Variants in RAB8A observed in about 807,000 individuals in gnomAD.
The protein encoded by RAB8A is RAB8A, member RAS oncogene family.
In RAB8A, 5 loss-of-function variants were observed where a neutral mutation model predicts 29.2. The observed-to-expected ratio is 0.17, with a 90% CI of 0.09 to 0.36. The LOEUF is 0.36. Ranked by LOEUF, RAB8A falls within the 10% of genes least tolerant of loss-of-function variation. RAB8A has a pLI of 1.00. For missense variants in RAB8A, 171 were observed against 272.2 expected (o/e 0.63, Z 2.62); for synonymous variants, 108 against 99.9 (o/e 1.08, Z -0.49).
chr19:16,127,985 G>T lies in RAB8A; in HGVS notation c.415-41G>T. 2 of 1,604,846 alleles carry T rather than the reference G, an allele frequency of 1.2e-6. No individual in the cohort carries two copies. The highest frequency in any genetic ancestry group is 1.7e-6 in the Non-Finnish European group (2 of 1,171,584). On this transcript the variant is annotated intron_variant, in intron 5 of 7. Coordinates refer to ENST00000300935, the MANE Select transcript of RAB8A (RefSeq NM_005370.5). The surrounding 1 kb of genome is among the most constrained non-coding windows in gnomAD (Gnocchi z 4.8). ...GTTTTAGGCAAGCTCAGATGCGCCCGGCGGCTGGTGTGCTCATGCGTGTGC... is the reference window on the plus strand; with the variant it reads ...GTTTTAGGCAAGCTCAGATGCGCCCTGCGGCTGGTGTGCTCATGCGTGTGC...
rs564742748 is a variant in RAB8A at position 16,119,397 on chromosome 19, G to A, written c.185+1111G>A. Among the ~76,000 whole-genome samples the A allele has an allele frequency of 3.9e-5, 6 of 152,130 alleles. 2 individuals carry two copies. Among genetic ancestry groups the A allele is most frequent in the African/African-American group, 1.4e-4 (6 of 41,502 alleles). On this transcript the variant is annotated intron_variant, in intron 2 of 7. Transcript: ENST00000300935. ...ATTTTGTATTTTTAGTAGAGACGGGGTTTCTCCATGTTGGTCAGGCTGGTC... is the reference window on the plus strand; with the variant it reads ...ATTTTGTATTTTTAGTAGAGACGGGATTTCTCCATGTTGGTCAGGCTGGTC...
rs1332005409 is a variant in RAB8A at position 16,128,103 on chromosome 19, G to A, written c.480+12G>A. 1.2e-6 allele frequency: 2 copies of A among 1,613,244 alleles called. No homozygotes were observed. Among genetic ancestry groups the A allele is most frequent in the Non-Finnish European group, 1.7e-6 (2 of 1,179,230 alleles). On this transcript the variant is annotated intron_variant, in intron 6 of 7. Coordinates refer to ENST00000300935, the MANE Select transcript of RAB8A (RefSeq NM_005370.5). ...TCAATGTGGAAAATGTGAGTCCCGG[G>A]CCCTGCTGGGAGACATGGGGCCTGC... is the stretch of plus-strand genomic sequence containing the variant.
At chr19:16,121,292 TACCCAGGCATC>T (rs1294851388) in intron 2 of RAB8A, among the ~76,000 whole-genome samples, 2 of 152,176 alleles carry the variant, frequency 1.3e-5, no homozygotes, top group Non-Finnish European at 2.9e-5. Flanking sequence ...GGGTATGTCT[TACCCAGGCATC>T]ACCTCCCGGG....
At chr19:16,129,385 A>G (rs563984616) in intron 6 of RAB8A, among the ~76,000 whole-genome samples, 169 bp from the exon 7 acceptor site, 3 of 152,132 alleles carry the variant, frequency 2.0e-5, no homozygotes, top group South Asian at 2.1e-4. Context: ...CCGGGGAAGG[A>G]TGAGCTGGGG....
rs574489786 is a variant in RAB8A at position 16,112,146 on chromosome 19, G to C, written c.124+121G>C. The C allele has an allele frequency of 4.7e-5, 65 of 1,389,628 alleles. No individual in the cohort carries two copies. In the East Asian group the frequency reaches 1.4e-3, roughly 30 times the overall value. 86.1% of individuals were successfully genotyped at this position (1,389,628 alleles called of 1,614,324 possible). On this transcript the variant is annotated intron_variant, in intron 1 of 7. Transcript: ENST00000300935. Reference sequence around the variant, plus strand: ...CGAGGGCGCTGAGAGGGTCGAGGGGGCCTAAAGGGAGAAGAGCAGTCGCCT... The same window carrying C: ...CGAGGGCGCTGAGAGGGTCGAGGGGCCCTAAAGGGAGAAGAGCAGTCGCCT...
At chr19:16,118,361 C>T (rs879391129) in intron 2 of RAB8A, 75 bp downstream of exon 2, 125 of 1,370,060 alleles carry the variant, frequency 9.1e-5, no homozygotes, top group South Asian at 2.0e-4. Context: ...CCTTCTCCCT[C>T]CACCGTCCCT....
At chr19:16,128,166 C>T in intron 6 of RAB8A, 75 bp downstream of exon 6, 2 of 1,510,388 alleles carry the variant, frequency 1.3e-6, no homozygotes, top group Non-Finnish European at 9.1e-7. Context: ...GAGCTGGCGT[C>T]CTCCGAGGAG....
At position 16,125,292 on chromosome 19, in the gene RAB8A, AG is replaced by A; in HGVS notation, c.247-175del. 2 of 622,870 alleles carry A rather than the reference AG, an allele frequency of 3.2e-6. No homozygotes were observed. Among genetic ancestry groups the A allele is most frequent in the Non-Finnish European group, 5.7e-6 (2 of 348,872 alleles). 38.6% of individuals were successfully genotyped at this position (622,870 alleles called of 1,614,324 possible). A position where few individuals can be genotyped will look rare whatever the true frequency, so the allele number is the denominator to read the frequency against. ...AGAACCCAGCAGAAAGAAGGGCCAC[AG>A]GGATGGAGAGGAGGGGGCTGGCTTC... On this transcript the variant is annotated intron_variant, in intron 3 of 7. Transcript: ENST00000300935. The surrounding 1 kb of genome is among the most constrained non-coding windows in gnomAD (Gnocchi z 5.0).
chr19:16,131,760 G>C (rs1356709066), intron 7 of RAB8A, among the ~76,000 whole-genome samples: 3 of 151,766 alleles, frequency 2.0e-5, no homozygotes, highest in Non-Finnish European at 2.9e-5. Flanking sequence ...ATGGATGGTT[G>C]GTTGATTGGT....
chr19:16,125,076 GCA>G lies in RAB8A; in HGVS notation c.247-393_247-392del. 1 of 308,134 alleles carries G rather than the reference GCA, an allele frequency of 3.2e-6. No homozygotes were observed. Among genetic ancestry groups the G allele is most frequent in the Non-Finnish European group, 6.4e-6 (1 of 155,770 alleles). 19.1% of individuals were successfully genotyped at this position (308,134 alleles called of 1,614,324 possible). A position where few individuals can be genotyped will look rare whatever the true frequency, so the allele number is the denominator to read the frequency against. On this transcript the variant is annotated intron_variant, in intron 3 of 7. Transcript: ENST00000300935. This position sits in a 1 kb window ranked among gnomAD's most constrained non-coding sequence, Gnocchi z 5.0. Reference sequence around the variant, plus strand: ...GCAAGGGGTGAAGAGGAGGCCGATTGCAGGGGAGGGTCAGCGTGAGGGGAGTG... The same window carrying G: ...GCAAGGGGTGAAGAGGAGGCCGATTGGGGGAGGGTCAGCGTGAGGGGAGTG...
At chr19:16,131,852 A>ATGGTTGGT (rs72439769) in intron 7 of RAB8A, among the ~76,000 whole-genome samples, 4 of 142,404 alleles carry the variant, frequency 2.8e-5, no homozygotes, top group African/African-American at 1.1e-4. Context: ...GTATAGATGG[A>ATGGTTGGT]TGGTTGGTTG....
chr19:16,120,376 G>C (rs1057164631), intron 2 of RAB8A, among the ~76,000 whole-genome samples: 6 of 144,478 alleles, frequency 4.2e-5, no homozygotes, highest in Admixed American at 3.6e-4. Flanking sequence ...GCAGTGGCAT[G>C]ATCTCAGCTC....
intron 1 of RAB8A, 80 bp from the exon 2 acceptor site, chr19:16,118,146 C>A: frequency 7.9e-7 from 1 of 1,265,338 alleles, no homozygotes; most frequent in Non-Finnish European, 1.1e-6. Context: ...CTGTCACCTG[C>A]ACAGGTTGGT....
intron 1 of RAB8A, among the ~76,000 whole-genome samples, chr19:16,115,424 A>G (rs1288089068): frequency 6.6e-6 from 1 of 152,208 alleles, no homozygotes; most frequent in East Asian, 1.9e-4. Context: ...ATCAAAGCCT[A>G]TTCTCAGAAG....
intron 2 of RAB8A, among the ~76,000 whole-genome samples, chr19:16,119,518 C>A (rs556509524): frequency 6.6e-6 from 1 of 151,788 alleles, no homozygotes; most frequent in African/African-American, 2.4e-5. Flanking sequence ...CTGTTCACCT[C>A]TTAATCTGAC....
At chr19:16,115,912 G>C (rs1464720412) in intron 1 of RAB8A, among the ~76,000 whole-genome samples, 2 of 152,098 alleles carry the variant, frequency 1.3e-5, no homozygotes, top group African/African-American at 2.4e-5. Flanking sequence ...GCCAGGCCTG[G>C]GCCTCAAGTC....
At chr19:16,114,810 C>T (rs2090839646) in intron 1 of RAB8A, among the ~76,000 whole-genome samples, 1 of 150,644 alleles carries the variant, frequency 6.6e-6, no homozygotes, top group Admixed American at 6.6e-5. Context: ...AAGATCCCTC[C>T]CTCCCACCCC....
intron 1 of RAB8A, 104 bp from the exon 2 acceptor site, chr19:16,118,122 G>GT: frequency 1.1e-6 from 1 of 931,546 alleles, no homozygotes; most frequent in Non-Finnish European, 1.7e-6. Context: ...CAGGGTCTCC[G>GT]TAAGCCACAA....
rs1011129435 is a variant in RAB8A, at chr19:16,132,480, T to A, written c.*176T>A. On this transcript the variant is annotated 3_prime_UTR_variant, in exon 8 of 8. Coordinates refer to ENST00000300935, the MANE Select transcript of RAB8A (RefSeq NM_005370.5). This position sits in a 1 kb window ranked among gnomAD's most constrained non-coding sequence, Gnocchi z 5.6. ...CGTTTATTTTAGTAACTGTCTGATC[T>A]TTTTCAACTTTGGAGATGGAATAAG... 1.6e-6 allele frequency: 1 copy of A among 616,840 alleles called. No individual in the cohort carries two copies. The highest frequency in any genetic ancestry group is 2.8e-6 in the Non-Finnish European group (1 of 353,590). The allele number at this position is 616,840 out of a possible 1,614,324, so 38.2% of individuals were successfully genotyped here.
Sources: gnomAD v4.1 joint callset for allele counts (sites outside exome capture counted in the v4.1 genomes callset) on GRCh38, gnomAD v4.1.1 for gene constraint, Gnocchi (gnomAD v3.1) non-coding constraint, MANE v1.5 for transcripts, NCBI Gene and HGNC (gene_info 2026-07-23, HGNC 2026-07-21) for gene names.